RPS6KC1: variants seen among roughly 807,000 people sequenced by gnomAD.
The protein encoded by RPS6KC1 is inactive ribosomal protein S6 kinase delta-1.
In RPS6KC1, 54 loss-of-function variants were observed where a neutral mutation model predicts 103.8. The observed-to-expected ratio is 0.52, with a 90% CI of 0.42 to 0.65. The LOEUF (loss-of-function observed/expected upper bound fraction) is 0.65. RPS6KC1 is among the 30% of genes least tolerant of loss of function. RPS6KC1 has a pLI of 0.00. For missense variants in RPS6KC1, 1,151 were observed against 1,253.8 expected (o/e 0.92, Z 1.24); for synonymous variants, 439 against 438.7 (o/e 1.00, Z -0.01).
the RPS6KC1 span, among the ~76,000 whole-genome samples, chr1:213,751,303 A>G: frequency 6.6e-6 from 1 of 152,062 alleles, no homozygotes; most frequent in African/African-American, 2.4e-5. Context: ...ATTTGCCCAG[A>G]GTGGTGCTTC....
At chr1:213,482,075 A>C in the RPS6KC1 span, among the ~76,000 whole-genome samples, 1 of 152,206 alleles carries the variant, frequency 6.6e-6, no homozygotes, top group Non-Finnish European at 1.5e-5. Context: ...AACTCCCTGA[A>C]TCCTCCCCAG....
the RPS6KC1 span, among the ~76,000 whole-genome samples, chr1:213,645,373 T>G: frequency 6.6e-6 from 1 of 152,270 alleles, no homozygotes; most frequent in Non-Finnish European, 1.5e-5. Flanking sequence ...GAGAAATTCA[T>G]TGGCAAGTAT....
chr1:213,803,939 G>C, the RPS6KC1 span, among the ~76,000 whole-genome samples: 1 of 116,198 alleles, frequency 8.6e-6, no homozygotes, highest in East Asian at 2.8e-4. Flanking sequence ...TTCTCGGGAA[G>C]ATCACACACT....
chr1:213,202,258 C>T (rs2093190617), intron 8 of RPS6KC1, among the ~76,000 whole-genome samples: 1 of 151,946 alleles, frequency 6.6e-6, no homozygotes, highest in African/African-American at 2.4e-5. Context: ...CATTAAACTT[C>T]CTTTAAAAAA....
intron 8 of RPS6KC1, among the ~76,000 whole-genome samples, chr1:213,186,944 A>C (rs2092556571): frequency 6.6e-6 from 1 of 152,020 alleles, no homozygotes; most frequent in African/African-American, 2.4e-5. Flanking sequence ...GTCTCACCAT[A>C]TTGCCTAGGC....
At chr1:213,218,285 T>A (rs372836524) in intron 8 of RPS6KC1, among the ~76,000 whole-genome samples, 8 of 151,266 alleles carry the variant, frequency 5.3e-5, no homozygotes, top group Non-Finnish European at 5.9e-5. Context: ...TTCAAAGAGA[T>A]TAAAATACCT....
At chr1:213,440,189 C>T in the RPS6KC1 span, among the ~76,000 whole-genome samples, 1 of 152,136 alleles carries the variant, frequency 6.6e-6, no homozygotes, top group African/African-American at 2.4e-5. Flanking sequence ...CATCCTTCCC[C>T]AACTCCCTAC....
intron 8 of RPS6KC1, among the ~76,000 whole-genome samples, chr1:213,206,686 A>G (rs760641301): frequency 6.6e-6 from 1 of 152,228 alleles, no homozygotes; most frequent in African/African-American, 2.4e-5. Context: ...ATTTCAAGAT[A>G]GTTAAGTTAT....
the RPS6KC1 span, among the ~76,000 whole-genome samples, chr1:213,670,388 C>T: frequency 6.6e-6 from 1 of 152,140 alleles, no homozygotes; most frequent in Non-Finnish European, 1.5e-5. Context: ...GAAGAATGAG[C>T]AGTAGGGGGA....
At chr1:213,432,719 A>G in the RPS6KC1 span, among the ~76,000 whole-genome samples, 188 of 150,982 alleles carry the variant, frequency 1.2e-3, 1 homozygote, top group African/African-American at 4.3e-3. Flanking sequence ...AATTTTACAT[A>G]AAAGAATCAT....
the RPS6KC1 span, among the ~76,000 whole-genome samples, chr1:213,799,865 T>A: frequency 6.6e-6 from 1 of 152,228 alleles, no homozygotes; most frequent in Admixed American, 6.5e-5. Flanking sequence ...TACCATAGAC[T>A]GAGTGGCTGA....
At chr1:213,847,976 T>TAC in the RPS6KC1 span, among the ~76,000 whole-genome samples, 863 of 151,802 alleles carry the variant, frequency 5.7e-3, 7 homozygotes, top group African/African-American at 0.02. Context: ...CACACACACA[T>TAC]ACACACACAC....
chr1:213,313,915 T>C, the RPS6KC1 span, among the ~76,000 whole-genome samples: 38 of 152,152 alleles, frequency 2.5e-4, no homozygotes, highest in Admixed American at 1.0e-3. Flanking sequence ...ATGGCGCCAC[T>C]GCACTCCAGC....
chr1:213,122,432 A>G (rs2084497940), intron 5 of RPS6KC1, among the ~76,000 whole-genome samples: 1 of 152,186 alleles, frequency 6.6e-6, no homozygotes, highest in Admixed American at 6.5e-5. Context: ...TTCATTTAAT[A>G]GATTTAAACT....
At chr1:213,720,099 T>G in the RPS6KC1 span, among the ~76,000 whole-genome samples, 1 of 152,216 alleles carries the variant, frequency 6.6e-6, no homozygotes, top group South Asian at 2.1e-4. Context: ...ATTTCCTATA[T>G]GATCCTCAGG....
At chr1:213,284,874 A>G in the RPS6KC1 span, among the ~76,000 whole-genome samples, 2 of 152,356 alleles carry the variant, frequency 1.3e-5, no homozygotes, top group African/African-American at 4.8e-5. Flanking sequence ...TTCTAGTTAC[A>G]CTTCTCAACA....
chr1:213,844,756 TGAATGGA>T, the RPS6KC1 span, among the ~76,000 whole-genome samples: 1 of 152,194 alleles, frequency 6.6e-6, no homozygotes, highest in Non-Finnish European at 1.5e-5. Context: ...CAGTTTTATA[TGAATGGA>T]GAAAGGCTAT....
chr1:213,290,378 A>G, the RPS6KC1 span, among the ~76,000 whole-genome samples: 1 of 152,112 alleles, frequency 6.6e-6, no homozygotes, highest in African/African-American at 2.4e-5. Flanking sequence ...TTTCTGTACA[A>G]ATGGATAGGT....
chr1:213,610,768 G>A, the RPS6KC1 span, among the ~76,000 whole-genome samples: 9 of 152,162 alleles, frequency 5.9e-5, no homozygotes, highest in African/African-American at 2.2e-4. Context: ...AGCAATTCAG[G>A]TAGGAAAACA....
Sources: gnomAD v4.1 joint callset for allele counts (sites outside exome capture counted in the v4.1 genomes callset) on GRCh38, gnomAD v4.1.1 for gene constraint, MANE v1.5 for transcripts, NCBI Gene and HGNC (gene_info 2026-07-23, HGNC 2026-07-21) for gene names.